The following TRAPPC11 variants were observed in gnomAD, a reference collection of about 807,000 sequenced individuals.
TRAPPC11 encodes the protein foie gras homolog.
In TRAPPC11, 104 loss-of-function variants were observed where a neutral mutation model predicts 151.2. The observed-to-expected ratio is 0.69, with a 90% CI of 0.59 to 0.81. TRAPPC11 has a LOEUF of 0.81. TRAPPC11 is among the 30% of genes least tolerant of loss of function. TRAPPC11 has a pLI of 0.00. For missense variants in TRAPPC11, 1,230 were observed against 1,349.6 expected (o/e 0.91, Z 1.39); for synonymous variants, 456 against 472.3 (o/e 0.97, Z 0.45).
At chr4:183,704,829 A>T (rs1379221863) in intron 26 of TRAPPC11, 150 bp from the exon 27 acceptor site, 1 of 298,400 alleles carries the variant, frequency 3.4e-6, no homozygotes, top group African/African-American at 2.2e-5. Flanking sequence ...ATAATAATAA[A>T]ATAATAATAA....
chr4:183,663,889 T>C lies in TRAPPC11; in HGVS notation c.22T>C (p.Phe8Leu). The C allele has an allele frequency of 6.2e-7, 1 of 1,614,086 alleles. No individual in the cohort carries two copies. Among genetic ancestry groups the C allele is most frequent in the Non-Finnish European group, 8.5e-7 (1 of 1,179,932 alleles). The stretch of plus-strand genomic sequence containing the variant: ...AAACATGAGCCCCACACAGTGGGAC[T>C]TCCCTGTGGAATTATGTTGCCGGCC... MSPTQWDFPVELCCRPMA... is the reference protein window; with the variant it reads MSPTQWDLPVELCCRPMA... The change falls in exon 2 of 30, where the codon TTC (phenylalanine) becomes CTC (leucine). Residue 8 changes from phenylalanine (F) to leucine (L), a missense_variant. Phe to Leu is a conservative substitution (Grantham distance 22). Transcript: ENST00000334690.
chr4:183,679,709 A>G (rs1735583265), intron 9 of TRAPPC11, among the ~76,000 whole-genome samples: 2 of 152,180 alleles, frequency 1.3e-5, no homozygotes, highest in Admixed American at 1.3e-4. Context: ...CATTCAGCAT[A>G]TATTTATTGA....
chr4:183,710,928 G>T (rs1455035568), intron 29 of TRAPPC11, among the ~76,000 whole-genome samples: 1 of 151,844 alleles, frequency 6.6e-6, no homozygotes, highest in Non-Finnish European at 1.5e-5. Context: ...CTACTTGGGA[G>T]GCCGAGGCAG....
intron 25 of TRAPPC11, among the ~76,000 whole-genome samples, chr4:183,698,957 T>C (rs1050670055): frequency 6.6e-6 from 1 of 152,192 alleles, no homozygotes; most frequent in Admixed American, 6.5e-5. Context: ...CCATCCTCAG[T>C]GCCATCCTCA....
chr4:183,667,303 A>T (rs1454403417), intron 4 of TRAPPC11, among the ~76,000 whole-genome samples, 173 bp downstream of exon 4: 4 of 152,212 alleles, frequency 2.6e-5, no homozygotes, highest in African/African-American at 9.6e-5. Flanking sequence ...GTAAAAAATT[A>T]AAGATAGTGA....
intron 10 of TRAPPC11, 42 bp downstream of exon 10, chr4:183,680,309 A>G (rs752042703): frequency 2.5e-6 from 4 of 1,587,414 alleles, no homozygotes; most frequent in East Asian, 2.2e-5. Flanking sequence ...TAGAAAAGTT[A>G]TTCTTCTTTT....
rs1461579214 is a variant in TRAPPC11, at chr4:183,693,489, A to G, written c.2238-100A>G. The G allele has an allele frequency of 8.4e-6, 11 of 1,304,178 alleles. No individual in the cohort carries two copies. The East Asian group carries it at 2.5e-4, about 30-fold the overall frequency. 80.8% of individuals were successfully genotyped at this position (1,304,178 alleles called of 1,614,324 possible). Reference sequence around the variant, plus strand: ...CCAAAATGCTGGGATTACAGGCCTGAGCCTCTGCACCCAGCCTCTTATTTC... The same window carrying G: ...CCAAAATGCTGGGATTACAGGCCTGGGCCTCTGCACCCAGCCTCTTATTTC... On this transcript the variant is annotated intron_variant, in intron 20 of 29. Coordinates refer to ENST00000334690, the MANE Select transcript of TRAPPC11 (RefSeq NM_021942.6).
intron 18 of TRAPPC11, among the ~76,000 whole-genome samples, chr4:183,688,391 G>A (rs1736093771): frequency 6.6e-6 from 1 of 152,204 alleles, no homozygotes; most frequent in Non-Finnish European, 1.5e-5. Flanking sequence ...GTGTTTCTGG[G>A]AAAGTCACAC....
Position 183,693,973 on chromosome 4 carries a change from T to G in TRAPPC11, c.2443T>G (p.Cys815Gly). 1 of 1,614,116 alleles carries G rather than the reference T, an allele frequency of 6.2e-7. No homozygotes were observed. The highest frequency in any genetic ancestry group is 8.5e-7 in the Non-Finnish European group (1 of 1,179,950). Residue 815 changes from cysteine to glycine, a missense_variant, in exon 22 of 30, where the codon TGT becomes GGT. Transcript: ENST00000334690. The part of the protein sequence containing the change: ...THVTLHGTEL[C>G]DESYPALLTD... ...CGTGACTCTTCATGGAACAGAACTGTGTGATGAATCCTACCCGGCTTTACT... is the reference window on the plus strand; with the variant it reads ...CGTGACTCTTCATGGAACAGAACTGGGTGATGAATCCTACCCGGCTTTACT...
intron 5 of TRAPPC11, among the ~76,000 whole-genome samples, chr4:183,671,628 C>A (rs1282738366): frequency 6.6e-6 from 1 of 152,200 alleles, no homozygotes; most frequent in African/African-American, 2.4e-5. Context: ...TTCGGGAACA[C>A]CCCTTTTAGA....
intron 17 of TRAPPC11, 22 bp downstream of exon 17, chr4:183,685,425 T>C (rs1185262452): frequency 6.3e-7 from 1 of 1,596,486 alleles, no homozygotes; most frequent in Admixed American, 1.7e-5. Flanking sequence ...ACATCTACAG[T>C]ACTATTTCAG....
intron 18 of TRAPPC11, 146 bp from the exon 19 acceptor site, chr4:183,691,170 A>G (rs960267961): frequency 2.2e-4 from 114 of 521,176 alleles, no homozygotes; most frequent in African/African-American, 2.1e-3. Flanking sequence ...AAATGCCTCT[A>G]TTTGGCATAA....
In TRAPPC11 at chr4:183,681,777, AG is replaced by A. The variant is rs71596691; in HGVS notation, c.1114-954del. Among the ~76,000 whole-genome samples the A allele has an allele frequency of 7.5e-5, 9 of 120,296 alleles. 1 individual carries two copies. Among genetic ancestry groups the A allele is most frequent in the Non-Finnish European group, 7.5e-5 (4 of 53,074 alleles). 78.9% of individuals were successfully genotyped at this position (120,296 alleles called of 152,430 possible). ...CCTGGGCGACAACTCTGTCTCAAAAAGAAAAAAAAAGTAAAATAAAATTTCC... is the reference window on the plus strand; with the variant it reads ...CCTGGGCGACAACTCTGTCTCAAAAAAAAAAAAAAGTAAAATAAAATTTCC... On this transcript the variant is annotated intron_variant, in intron 10 of 29. Transcript: ENST00000334690.
chr4:183,691,309 T>A lies in TRAPPC11; in HGVS notation c.1894-7T>A, dbSNP rs772519605. On this transcript the variant is annotated splice_polypyrimidine_tract_variant and splice_region_variant and intron_variant, in intron 18 of 29. Coordinates refer to ENST00000334690, the MANE Select transcript of TRAPPC11 (RefSeq NM_021942.6). ...GACATTTGATGACCCCTGTTCACCT[T>A]TTTCAGGAATACAACCAGTTCTGTG... The A allele has an allele frequency of 2.2e-5, 32 of 1,483,266 alleles. No individual in the cohort carries two copies. The African/African-American group carries it at 4.4e-4, about 21-fold the overall frequency. 91.9% of individuals were successfully genotyped at this position (1,483,266 alleles called of 1,614,324 possible).
At chr4:183,710,053 G>A (rs1737265426) in intron 29 of TRAPPC11, among the ~76,000 whole-genome samples, 3 of 152,146 alleles carry the variant, frequency 2.0e-5, no homozygotes, top group Admixed American at 2.0e-4. Flanking sequence ...TTAGATGTAT[G>A]TAGACTTGAT....
At position 183,686,679 on chromosome 4, in the gene TRAPPC11, T is replaced by C. The variant is rs369696357; in HGVS notation, c.1824T>C (p.Asp608=). Residue 608 remains aspartate, a synonymous_variant, in exon 18 of 30, where the codon GAT becomes GAC. Transcript: ENST00000334690. ...SFHVDVPVQF[D]IYLKADCPHP... ...ATGTTGATGTTCCTGTTCAGTTTGA[T>C]ATTTATCTGAAGGCTGATTGTCCAC... The C allele has an allele frequency of 3.1e-6, 5 of 1,614,076 alleles. No individual in the cohort carries two copies. The African/African-American group carries it at 6.7e-5, about 22-fold the overall frequency.
chr4:183,693,546 C>CTT, intron 20 of TRAPPC11, 43 bp from the exon 21 acceptor site: 1 of 1,539,758 alleles, frequency 6.5e-7, no homozygotes, highest in Non-Finnish European at 8.8e-7. Flanking sequence ...AATTTATTTG[C>CTT]TTTTTTTTTG....
At position 183,680,283 on chromosome 4, in the gene TRAPPC11, C is replaced by T. The variant is rs111627996; in HGVS notation, c.1113+16C>T. 2.0e-4 allele frequency: 327 copies of T among 1,612,830 alleles called. No individual in the cohort carries two copies. Among genetic ancestry groups the T allele is most frequent in the Admixed American group, 1.1e-3 (63 of 59,694 alleles). ...TAACCACGAAGTAAGTTACTCACTC[C>T]GTATTATCTAGCACATAGAAAAGTT... On this transcript the variant is annotated intron_variant, in intron 10 of 29. Transcript: ENST00000334690.
At chr4:183,670,938 G>T (rs1735124376) in intron 5 of TRAPPC11, among the ~76,000 whole-genome samples, 1 of 152,122 alleles carries the variant, frequency 6.6e-6, no homozygotes, top group Non-Finnish European at 1.5e-5. Context: ...GGCAATCTTG[G>T]CCAGGCTGGT....
Sources: allele counts gnomAD v4.1 joint callset (sites outside exome capture counted in the v4.1 genomes callset), GRCh38; gene constraint gnomAD v4.1.1; transcripts MANE v1.5; gene names NCBI Gene and HGNC (gene_info 2026-07-23, HGNC 2026-07-21).